Variants in TNR observed in about 807,000 individuals in gnomAD.
The protein encoded by TNR is tenascin R, also known as tenascin-R.
Under a neutral mutation model 150.4 loss-of-function variants are expected in TNR, and 45 were observed. That is an observed-to-expected ratio of 0.30 (90% CI 0.24 to 0.38). The LOEUF is 0.38. TNR is among the 10% of genes least tolerant of loss of function. TNR has a pLI of 1.00. For synonymous variants in TNR, 687 were observed against 678.4 expected, an observed-to-expected ratio of 1.01 and a Z score of -0.20; for missense variants, 1,544 against 1,759.1, an observed-to-expected ratio of 0.88 and a Z score of 2.19.
intron 1 of TNR, among the ~76,000 whole-genome samples, chr1:175,571,738 C>A (rs1408730153): frequency 5.3e-5 from 8 of 152,182 alleles, no homozygotes; most frequent in Non-Finnish European, 7.3e-5. Context: ...ATGTTTTACT[C>A]CAGCCCTGGG....
chr1:175,346,206 G>T (rs959711188), intron 18 of TNR, among the ~76,000 whole-genome samples: 3 of 152,176 alleles, frequency 2.0e-5, no homozygotes, highest in Non-Finnish European at 4.4e-5. Flanking sequence ...AAGTTCTAGA[G>T]ATGTGAAAAG....
intron 1 of TNR, among the ~76,000 whole-genome samples, chr1:175,686,376 T>C (rs1209249581): frequency 6.6e-6 from 1 of 152,238 alleles, no homozygotes; most frequent in Non-Finnish European, 1.5e-5. Context: ...TAGAGAGCAC[T>C]AGTAATGCTC....
At chr1:175,353,597 T>A (rs184602354) in intron 18 of TNR, among the ~76,000 whole-genome samples, 51 of 152,278 alleles carry the variant, frequency 3.3e-4, no homozygotes, top group Non-Finnish European at 6.5e-4. Context: ...TTTCATCACC[T>A]GTGGAATGGG....
rs1571299509 is a variant in TNR, at chr1:175,331,077, CCTTCT to C, written c.3632-847_3632-843del. Among the ~76,000 whole-genome samples the C allele has an allele frequency of 1.4e-4, 13 of 94,236 alleles. No homozygotes were observed. In the East Asian group the frequency reaches 1.7e-3, roughly 12 times the overall value. The allele number at this position is 94,236 out of a possible 152,430, so 61.8% of individuals were successfully genotyped here. On this transcript the variant is annotated intron_variant, in intron 20 of 22. Transcript: ENST00000367674. ...TCTTTCTTTCTTTCTTTCTTTCTTT[CCTTCT>C]TTCTTTCTTTCTTTCTTTCTCTCTC...
At chr1:175,662,044 C>T (rs1234594984) in intron 1 of TNR, among the ~76,000 whole-genome samples, 1 of 152,094 alleles carries the variant, frequency 6.6e-6, no homozygotes, top group African/African-American at 2.4e-5. Context: ...CTGACACTTG[C>T]CTGTCTTCAT....
intron 16 of TNR, 108 bp downstream of exon 16, chr1:175,356,211 G>T: frequency 1.4e-6 from 2 of 1,448,220 alleles, no homozygotes; most frequent in South Asian, 1.3e-5. Context: ...ACAGCTCATA[G>T]CTGCCCTGTC....
intron 2 of TNR, among the ~76,000 whole-genome samples, chr1:175,414,905 G>T (rs1654367597): frequency 6.6e-6 from 1 of 151,570 alleles, no homozygotes; most frequent in Non-Finnish European, 1.5e-5. Context: ...TCAAAATGGG[G>T]TGGAAAATAC....
chr1:175,336,827 T>A (rs192532219), intron 19 of TNR, among the ~76,000 whole-genome samples: 141 of 152,358 alleles, frequency 9.3e-4, no homozygotes, highest in Admixed American at 2.1e-3. Context: ...AGGCTTCTGA[T>A]CATCTCTCTG....
intron 2 of TNR, among the ~76,000 whole-genome samples, chr1:175,431,267 T>A (rs1655248035): frequency 6.6e-6 from 1 of 152,250 alleles, no homozygotes; most frequent in Non-Finnish European, 1.5e-5. Context: ...TATAAATTTG[T>A]TATGAAAAGT....
At chr1:175,661,481 A>G (rs1335707042) in intron 1 of TNR, among the ~76,000 whole-genome samples, 3 of 152,122 alleles carry the variant, frequency 2.0e-5, no homozygotes, top group African/African-American at 7.2e-5. Flanking sequence ...TGGCCGGGGC[A>G]ATGGGTTTGG....
At chr1:175,434,796 C>G (rs1265045775) in intron 2 of TNR, among the ~76,000 whole-genome samples, 1 of 152,162 alleles carries the variant, frequency 6.6e-6, no homozygotes, top group African/African-American at 2.4e-5. Context: ...TCCTGTTGCT[C>G]CTCTGCTAAA....
intron 1 of TNR, among the ~76,000 whole-genome samples, chr1:175,588,779 G>A (rs1662677495): frequency 6.6e-6 from 1 of 152,096 alleles, no homozygotes; most frequent in African/African-American, 2.4e-5. Context: ...CCTCAGAATG[G>A]CTAAGTAACT....
intron 1 of TNR, among the ~76,000 whole-genome samples, chr1:175,672,959 C>T (rs1431137482): frequency 6.6e-6 from 1 of 152,132 alleles, no homozygotes; most frequent in Non-Finnish European, 1.5e-5. Flanking sequence ...AATGCCCTGC[C>T]ACAGCGCTGC....
intron 1 of TNR, among the ~76,000 whole-genome samples, chr1:175,529,600 A>G (rs1424772522): frequency 6.6e-6 from 1 of 152,164 alleles, no homozygotes; most frequent in East Asian, 1.9e-4. Flanking sequence ...TTCTCTTCCA[A>G]TTCTAATCTG....
chr1:175,339,811 C>A (rs535276166), intron 18 of TNR, among the ~76,000 whole-genome samples: 1 of 152,314 alleles, frequency 6.6e-6, no homozygotes, highest in African/African-American at 2.4e-5. Flanking sequence ...CCACAAATCT[C>A]AAAATGACAG....
intron 14 of TNR, among the ~76,000 whole-genome samples, chr1:175,362,271 A>G (rs1651632394): frequency 6.6e-6 from 1 of 152,124 alleles, no homozygotes; most frequent in South Asian, 2.1e-4. Context: ...GATGAATTTC[A>G]TGACCCCATT....
At chr1:175,526,705 T>C (rs751826306) in intron 2 of TNR, among the ~76,000 whole-genome samples, 1 of 152,158 alleles carries the variant, frequency 6.6e-6, no homozygotes, top group Non-Finnish European at 1.5e-5. Flanking sequence ...TTCAAATGCA[T>C]GGGAAATGAA....
intron 2 of TNR, among the ~76,000 whole-genome samples, chr1:175,437,604 A>G (rs1211689117): frequency 2.0e-5 from 3 of 152,198 alleles, no homozygotes; most frequent in Admixed American, 1.3e-4. Flanking sequence ...TTTTTTGAAA[A>G]GATCAACAAA....
intron 1 of TNR, among the ~76,000 whole-genome samples, chr1:175,575,789 G>T (rs1662086160): frequency 6.6e-6 from 1 of 152,198 alleles, no homozygotes; most frequent in East Asian, 1.9e-4. Flanking sequence ...TTAGGAGGCA[G>T]TTGGTAAAAG....
Sources: allele counts gnomAD v4.1 joint callset (sites outside exome capture counted in the v4.1 genomes callset), GRCh38; gene constraint gnomAD v4.1.1; transcripts MANE v1.5; gene names NCBI Gene and HGNC (gene_info 2026-07-23, HGNC 2026-07-21).